CAMTA1: variants seen among roughly 807,000 people sequenced by gnomAD.
CAMTA1 encodes the protein calmodulin binding transcription activator 1.
CAMTA1 carries 27 observed loss-of-function variants against 170.9 expected under a neutral mutation model. The observed-to-expected ratio is 0.16, with a 90% confidence interval of 0.12 to 0.22. The LOEUF is 0.22. Among genes scored for constraint, CAMTA1 ranks in the 10% least tolerant of loss-of-function variants. CAMTA1 has a pLI of 1.00. For missense variants in CAMTA1, 1,619 were observed against 2,217.2 expected, an observed-to-expected ratio of 0.73 and a Z score of 5.42; for synonymous variants, 833 against 891.5, an observed-to-expected ratio of 0.93 and a Z score of 1.17.
chr1:7,428,304 G>A (rs2091970347), intron 5 of CAMTA1, among the ~76,000 whole-genome samples: 1 of 152,042 alleles, frequency 6.6e-6, no homozygotes, highest in Non-Finnish European at 1.5e-5. Flanking sequence ...CCAGCACCTA[G>A]ACCAGTGCCC....
intron 3 of CAMTA1, among the ~76,000 whole-genome samples, chr1:6,842,848 C>T (rs1228622394): frequency 2.6e-5 from 4 of 151,692 alleles, no homozygotes; most frequent in Admixed American, 6.6e-5. Context: ...TGCTTGAACC[C>T]GGGAGGTGGA....
intron 16 of CAMTA1, among the ~76,000 whole-genome samples, chr1:7,739,461 A>G (rs1359172751): frequency 6.6e-6 from 1 of 152,170 alleles, no homozygotes; most frequent in Non-Finnish European, 1.5e-5. Context: ...TGCCGGGGGC[A>G]CCACTTCTGA....
chr1:7,507,016 C>G (rs2094126557), intron 6 of CAMTA1, among the ~76,000 whole-genome samples: 1 of 149,574 alleles, frequency 6.7e-6, no homozygotes, highest in Non-Finnish European at 1.5e-5. Context: ...ACATCTCATG[C>G]TCACACTCAA....
chr1:7,279,214 G>A (rs1171988088), intron 5 of CAMTA1, among the ~76,000 whole-genome samples: 1 of 152,210 alleles, frequency 6.6e-6, no homozygotes, highest in Non-Finnish European at 1.5e-5. Context: ...AAGCTTGTAA[G>A]CAGGGCAGTG....
chr1:7,692,122 C>A (rs546712786), intron 11 of CAMTA1, among the ~76,000 whole-genome samples: 1 of 152,222 alleles, frequency 6.6e-6, no homozygotes, highest in South Asian at 2.1e-4. Context: ...GGTAGGGTGT[C>A]CAGGACTAAC....
At chr1:7,624,137 C>T (rs768309908) in intron 6 of CAMTA1, among the ~76,000 whole-genome samples, 1 of 152,234 alleles carries the variant, frequency 6.6e-6, no homozygotes, top group African/African-American at 2.4e-5. Context: ...TCAAGGCAGC[C>T]GTGGTAAGAC....
chr1:7,596,758 C>G (rs2095403292), intron 6 of CAMTA1, among the ~76,000 whole-genome samples: 1 of 152,176 alleles, frequency 6.6e-6, no homozygotes, highest in Non-Finnish European at 1.5e-5. Flanking sequence ...ATTGGTTCTC[C>G]TAGCTTTATT....
intron 5 of CAMTA1, among the ~76,000 whole-genome samples, chr1:7,321,854 T>C (rs1678468359): frequency 6.6e-6 from 1 of 152,092 alleles, no homozygotes; most frequent in Non-Finnish European, 1.5e-5. Flanking sequence ...TCCTTCTCCT[T>C]TCTTATCAGG....
intron 4 of CAMTA1, among the ~76,000 whole-genome samples, chr1:7,182,496 GAA>G (rs1170643135): frequency 0.02 from 1,987 of 98,428 alleles, 43 homozygotes; most frequent in African/African-American, 0.057. Flanking sequence ...CCCCATCTCA[GAA>G]AAAAAAAAAA....
intron 6 of CAMTA1, among the ~76,000 whole-genome samples, chr1:7,525,399 C>T (rs1241390059): frequency 6.6e-6 from 1 of 152,098 alleles, no homozygotes; most frequent in Non-Finnish European, 1.5e-5. Flanking sequence ...CTCAGGCTCC[C>T]CCCATCTCCA....
rs148345431 is a variant in CAMTA1 at position 7,506,128 on chromosome 1, C to T, written c.510+38227C>T. Among the ~76,000 whole-genome samples the T allele has an allele frequency of 4.8e-4, 73 of 152,320 alleles. No homozygotes were observed. The East Asian group carries it at 0.013, about 27-fold the overall frequency. On this transcript the variant is annotated intron_variant, in intron 6 of 22. Coordinates refer to ENST00000303635, the MANE Select transcript of CAMTA1 (RefSeq NM_015215.4). The stretch of plus-strand genomic sequence containing the variant: ...GGCTGCCTGGGGAACAGACCACCCC[C>T]ACCCTCTATAACCTCGCTGTGGCAC...
At chr1:7,172,823 C>T (rs535206420) in intron 4 of CAMTA1, among the ~76,000 whole-genome samples, 41 of 152,122 alleles carry the variant, frequency 2.7e-4, no homozygotes, top group African/African-American at 8.7e-4. Context: ...GAGGGTGAGG[C>T]GTGAGGGGCA....
intron 4 of CAMTA1, among the ~76,000 whole-genome samples, chr1:7,102,273 G>C (rs926450739): frequency 1.3e-5 from 2 of 152,140 alleles, no homozygotes; most frequent in Non-Finnish European, 2.9e-5. Context: ...GGTGACTCTG[G>C]TGGGGAAGAG....
chr1:7,687,657 G>A (rs2096270310), intron 11 of CAMTA1, among the ~76,000 whole-genome samples: 1 of 152,174 alleles, frequency 6.6e-6, no homozygotes, highest in Admixed American at 6.5e-5. Flanking sequence ...TGCACCTCTG[G>A]TGTTGGTCTT....
intron 5 of CAMTA1, among the ~76,000 whole-genome samples, chr1:7,255,451 C>G (rs1667222688): frequency 6.6e-6 from 1 of 152,058 alleles, no homozygotes; most frequent in Non-Finnish European, 1.5e-5. Flanking sequence ...CTGTTTTTTT[C>G]CCACGTCTAG....
At chr1:7,386,521 C>T (rs950064175) in intron 5 of CAMTA1, among the ~76,000 whole-genome samples, 10 of 152,190 alleles carry the variant, frequency 6.6e-5, no homozygotes, top group East Asian at 1.9e-4. Context: ...TCCCACCCCA[C>T]GGTGGATGTT....
In CAMTA1 at chr1:7,131,169, G is replaced by C. The variant is rs186240579; in HGVS notation, c.302+39798G>C. 3.3e-4 allele frequency among the ~76,000 whole-genome samples: 50 copies of C among 152,216 alleles called. No individual in the cohort carries two copies. The East Asian group carries it at 6.9e-3, about 21-fold the overall frequency. On this transcript the variant is annotated intron_variant, in intron 4 of 22. Coordinates refer to ENST00000303635, the MANE Select transcript of CAMTA1 (RefSeq NM_015215.4). ...GGGTTTCACCATGTTGGCGAGGATG[G>C]TCTCGATCTCTTGACCTCGTGATCC...
intron 6 of CAMTA1, among the ~76,000 whole-genome samples, chr1:7,564,294 C>T (rs1352329414): frequency 1.3e-5 from 2 of 152,224 alleles, no homozygotes; most frequent in Admixed American, 6.5e-5. Flanking sequence ...CAACTCAGCT[C>T]TAATCTTCCC....
chr1:7,264,769 A>T (rs548567608), intron 5 of CAMTA1, among the ~76,000 whole-genome samples: 1 of 152,234 alleles, frequency 6.6e-6, no homozygotes, highest in Non-Finnish European at 1.5e-5. Flanking sequence ...AGGGGAAAAA[A>T]TATCGCAGAC....
Sources: gnomAD v4.1 joint callset for allele counts (sites outside exome capture counted in the v4.1 genomes callset) on GRCh38, gnomAD v4.1.1 for gene constraint, MANE v1.5 for transcripts, NCBI Gene and HGNC (gene_info 2026-07-23, HGNC 2026-07-21) for gene names.